DEDD: variants seen among roughly 807,000 people sequenced by gnomAD.
The protein encoded by DEDD is death effector domain containing.
Under a neutral mutation model 29.2 loss-of-function variants are expected in DEDD, and 3 were observed. That is an observed-to-expected ratio of 0.10 (90% CI 0.05 to 0.27). The LOEUF (loss-of-function observed/expected upper bound fraction) is 0.27, where lower values mean the gene tolerates loss of function less well. Among genes scored for constraint, DEDD ranks in the 10% least tolerant of loss-of-function variants. The pLI, the probability that DEDD is intolerant of heterozygous loss-of-function variation, is 1.00. For missense variants in DEDD, 261 were observed against 420.5 expected, an observed-to-expected ratio of 0.62 and a Z score of 3.32; for synonymous variants, 152 against 161.3, an observed-to-expected ratio of 0.94 and a Z score of 0.44.
chr1:161,126,018 G>C (rs1375067516), intron 2 of DEDD, among the ~76,000 whole-genome samples: 1 of 152,120 alleles, frequency 6.6e-6, no homozygotes, highest in East Asian at 1.9e-4. Flanking sequence ...TGCTCCACCA[G>C]ACAGTACCAT....
chr1:161,127,577 T>A (rs765607173), intron 2 of DEDD, among the ~76,000 whole-genome samples: 1 of 152,150 alleles, frequency 6.6e-6, no homozygotes, highest in Non-Finnish European at 1.5e-5. Context: ...GGTTCTGATA[T>A]GTAGACAGGA....
intron 1 of DEDD, 68 bp from the exon 2 acceptor site, chr1:161,130,915 A>G (rs1571241653): frequency 6.6e-6 from 1 of 152,244 alleles, no homozygotes; most frequent in Non-Finnish European, 1.5e-5. Flanking sequence ...TTAATTTTCA[A>G]GTTTTACTTT....
Position 161,122,201 on chromosome 1 carries a change from A to G in DEDD, c.903T>C (p.Tyr301=). Residue 301 remains tyrosine, a synonymous_variant, in exon 6 of 6, where the codon TAT becomes TAC. Coordinates refer to ENST00000368006, the MANE Select transcript of DEDD (RefSeq NM_032998.3). The surrounding 1 kb of genome is among the most constrained non-coding windows in gnomAD (Gnocchi z 4.2). ...KLLVNVDEED[Y]ELGRQKLLRN... is the part of the protein sequence containing the mutation. ...TCAGGAGTTTCTGTCGGCCCAGCTC[A>G]TAGTCCTCCTCGTCTACATTTACCA... 1.2e-6 allele frequency: 2 copies of G among 1,614,054 alleles called. No homozygotes were observed. The highest frequency in any genetic ancestry group is 1.3e-5 in the African/African-American group (1 of 75,038).
rs369068938 is a variant in DEDD at position 161,122,122 on chromosome 1, C to T, written c.*25G>A. 7.0e-5 allele frequency: 113 copies of T among 1,609,524 alleles called. No homozygotes were observed. In the African/African-American group the frequency reaches 1.4e-3, roughly 19 times the overall value. On this transcript the variant is annotated 3_prime_UTR_variant, in exon 6 of 6. Transcript: ENST00000368006. This position sits in a 1 kb window ranked among gnomAD's most constrained non-coding sequence, Gnocchi z 4.2. ...TCCAGAGGTGGGTGATGGGAACAGTCCCCAAAGTGAGAAGAGGGAATAGGT... is the reference window on the plus strand; with the variant it reads ...TCCAGAGGTGGGTGATGGGAACAGTTCCCAAAGTGAGAAGAGGGAATAGGT...
chr1:161,123,614 C>T (rs184489721), intron 4 of DEDD, among the ~76,000 whole-genome samples: 13 of 136,212 alleles, frequency 9.5e-5, no homozygotes, highest in Middle Eastern at 4.3e-3. Context: ...CCAGCCTGGG[C>T]GACAGAGGGA....
chr1:161,124,078 G>T, intron 3 of DEDD, 60 bp downstream of exon 3: 1 of 1,582,556 alleles, frequency 6.3e-7, no homozygotes. Flanking sequence ...GGACGCCTAT[G>T]CTGCTCCTTC....
At chr1:161,126,594 G>A (rs1433149012) in intron 2 of DEDD, among the ~76,000 whole-genome samples, 4 of 151,490 alleles carry the variant, frequency 2.6e-5, no homozygotes, top group East Asian at 1.9e-4. Context: ...CGCCTGCCTC[G>A]GCCTCCGAAA....
intron 2 of DEDD, among the ~76,000 whole-genome samples, chr1:161,128,578 G>T (rs915319634): frequency 2.6e-4 from 39 of 152,162 alleles, no homozygotes; most frequent in Non-Finnish European, 4.7e-4. Flanking sequence ...TCCAGCCCAG[G>T]TGACAGAGTG....
chr1:161,122,165 C>T lies in DEDD; in HGVS notation c.939G>A (p.Met313Ile). Residue 313 changes from methionine (M) to isoleucine (I), a missense_variant, in exon 6 of 6, where the codon ATG (methionine) becomes ATA (isoleucine). Around this residue, in one of 2 missense-constraint regions of DEDD, gnomAD observed 58 missense variants for 151.8 expected, o/e 0.38. Transcript: ENST00000368006. This position sits in a 1 kb window ranked among gnomAD's most constrained non-coding sequence, Gnocchi z 4.2. ...GAATAGGTCAGGGCAATGCTTGCAG[C>T]ATCAAGTTCCTCAGGAGTTTCTGTC... Reference protein sequence around the residue: ...LGRQKLLRNLMLQALP With the variant: ...LGRQKLLRNLILQALP 1 of 1,613,474 alleles carries T rather than the reference C, an allele frequency of 6.2e-7. No homozygotes were observed. The highest frequency in any genetic ancestry group is 8.5e-7 in the Non-Finnish European group (1 of 1,180,026).
Position 161,122,008 on chromosome 1 carries a change from C to A in DEDD, c.*139G>T, listed in dbSNP as rs1571213894. On this transcript the variant is annotated 3_prime_UTR_variant, in exon 6 of 6. Coordinates refer to ENST00000368006, the MANE Select transcript of DEDD (RefSeq NM_032998.3). The surrounding 1 kb of genome is among the most constrained non-coding windows in gnomAD (Gnocchi z 4.2). ...GGGTGGGGAATACCACTTCCACTTT[C>A]TTTTGTCTTTTTCTTTAAAAAAAAA... 2 of 1,180,246 alleles carry A rather than the reference C, an allele frequency of 1.7e-6. No homozygotes were observed. The highest frequency in any genetic ancestry group is 2.4e-5 in the East Asian group (1 of 41,116). The allele number at this position is 1,180,246 out of a possible 1,614,324, so 73.1% of individuals were successfully genotyped here. A position where few individuals can be genotyped will look rare whatever the true frequency, so the allele number is the denominator to read the frequency against.
At chr1:161,129,680 G>A (rs1036152942) in intron 2 of DEDD, among the ~76,000 whole-genome samples, 1 of 151,958 alleles carries the variant, frequency 6.6e-6, no homozygotes, top group African/African-American at 2.4e-5. Flanking sequence ...AAAACATACA[G>A]AGATTCTAGA....
chr1:161,129,528 A>G (rs1656491471), intron 2 of DEDD, among the ~76,000 whole-genome samples: 1 of 149,044 alleles, frequency 6.7e-6, no homozygotes, highest in South Asian at 2.2e-4. Flanking sequence ...GTACAGAGTG[A>G]GACCTTGCCT....
chr1:161,126,067 ACAAT>A (rs1353347757), intron 2 of DEDD, among the ~76,000 whole-genome samples: 2 of 152,164 alleles, frequency 1.3e-5, no homozygotes, highest in Admixed American at 6.5e-5. Context: ...CTCCAATCAC[ACAAT>A]CAATCCTAAA....
Position 161,124,402 on chromosome 1 carries a change from G to T in DEDD, c.61C>A (p.His21Asn). ...ATGCGGTGCAGGCTGTACAGCCCAT[G>T]TTCCTGCTCACCATGCTCTTCTGGC... ...VWPEEHGEQE[H>N]GLYSLHRMFD... The change falls in exon 3 of 6, where the codon CAT becomes AAT. Residue 21 changes from histidine to asparagine, a missense_variant. Physicochemically the swap from His to Asn is moderately conservative, Grantham distance 68. Around this residue, in one of 2 missense-constraint regions of DEDD, gnomAD observed 203 missense variants for 268.7 expected, o/e 0.76. Transcript: ENST00000368006. 6.2e-7 allele frequency: 1 copy of T among 1,613,152 alleles called. No homozygotes were observed. Among genetic ancestry groups the T allele is most frequent in the Non-Finnish European group, 8.5e-7 (1 of 1,179,278 alleles).
chr1:161,132,641 C>CGCA lies in DEDD; in HGVS notation c.-189_-188insTGC, dbSNP rs761660000. On this transcript the variant is annotated 5_prime_UTR_variant, in exon 1 of 6. Transcript: ENST00000368006. ...GGCGCCGCATCCGGGCTCCAGCAGC[C>CGCA]GCCGCCGCCGCCGCCGCCGCGGCCG... 1 of 161,332 alleles carries CGCA rather than the reference C, an allele frequency of 6.2e-6. No homozygotes were observed. Among genetic ancestry groups the CGCA allele is most frequent in the Non-Finnish European group, 1.3e-5 (1 of 75,694 alleles). The allele number at this position is 161,332 out of a possible 1,614,324, so 10.0% of individuals were successfully genotyped here.
chr1:161,123,738 G>C, intron 4 of DEDD, 101 bp downstream of exon 4: 1 of 1,032,318 alleles, frequency 9.7e-7, no homozygotes, highest in Non-Finnish European at 1.4e-6. Context: ...AGATGTGGGC[G>C]CACAGCATCC....
rs1297996282 is a variant in DEDD at position 161,121,067 on chromosome 1, CTG to C, written c.*1078_*1079del. 5.7e-6 allele frequency: 7 copies of C among 1,221,838 alleles called. No individual in the cohort carries two copies. The highest frequency in any genetic ancestry group is 4.6e-5 in the African/African-American group (3 of 64,544). The allele number at this position is 1,221,838 out of a possible 1,614,324, so 75.7% of individuals were successfully genotyped here. A position where few individuals can be genotyped will look rare whatever the true frequency, so the allele number is the denominator to read the frequency against. On this transcript the variant is annotated 3_prime_UTR_variant, in exon 6 of 6. Coordinates refer to ENST00000368006, the MANE Select transcript of DEDD (RefSeq NM_032998.3). ...TTGAAAAATATAATAATCATAAAGT[CTG>C]TGTCTGGACATCGCCTTTGGGAACT... is the stretch of plus-strand genomic sequence containing the variant.
intron 2 of DEDD, among the ~76,000 whole-genome samples, chr1:161,127,132 C>G (rs147205126): frequency 2.6e-5 from 4 of 152,116 alleles, no homozygotes; most frequent in African/African-American, 9.7e-5. Flanking sequence ...GTGGGAGCAA[C>G]CCACTGTTGA....
rs1328021281 is a variant in DEDD at position 161,122,138 on chromosome 1, G to A, written c.*9C>T. 1 of 1,611,716 alleles carries A rather than the reference G, an allele frequency of 6.2e-7. No homozygotes were observed. The highest frequency in any genetic ancestry group is 1.3e-5 in the African/African-American group (1 of 74,830). On this transcript the variant is annotated 3_prime_UTR_variant, in exon 6 of 6. Transcript: ENST00000368006. This position sits in a 1 kb window ranked among gnomAD's most constrained non-coding sequence, Gnocchi z 4.2. ...GGGAACAGTCCCCAAAGTGAGAAGA[G>A]GGAATAGGTCAGGGCAATGCTTGCA...
Sources: allele counts gnomAD v4.1 joint callset (sites outside exome capture counted in the v4.1 genomes callset), GRCh38; gene constraint gnomAD v4.1.1; regional missense constraint gnomAD v4.1.1; non-coding constraint Gnocchi (gnomAD v3.1); transcripts MANE v1.5; gene names NCBI Gene and HGNC (gene_info 2026-07-23, HGNC 2026-07-21).